The following NRXN3 variants were observed in gnomAD, a reference collection of about 807,000 sequenced individuals.
The protein encoded by NRXN3 is neurexin 3.
A neutral mutation model predicts 137.6 loss-of-function variants in NRXN3; 32 were observed. The ratio of observed to expected loss-of-function variants is 0.23; its 90% confidence interval spans 0.18 to 0.31. The LOEUF is 0.31. NRXN3 is among the 10% of genes least tolerant of loss of function. NRXN3 has a pLI of 1.00. For missense variants in NRXN3, 1,574 were observed against 2,062.5 expected (o/e 0.76, Z 4.59); for synonymous variants, 798 against 784.5 (o/e 1.02, Z -0.29).
chr14:78,990,471 AAGCGATTCTCCTGCCTCAGCCTCCTG>A (rs2099516589), intron 15 of NRXN3, among the ~76,000 whole-genome samples: 1 of 145,406 alleles, frequency 6.9e-6, no homozygotes, highest in African/African-American at 2.6e-5. Context: ...TCCCAGGTTC[AAGCGATTCTCCTGCCTCAGCCTCCTG>A]AGTAGCTGGG....
At chr14:78,886,936 C>T (rs2099145544) in intron 10 of NRXN3, among the ~76,000 whole-genome samples, 1 of 152,108 alleles carries the variant, frequency 6.6e-6, no homozygotes, top group South Asian at 2.1e-4. Flanking sequence ...TTATGGTAAA[C>T]TGGATACTGT....
At chr14:78,372,308 TTTA>T (rs1187046379) in intron 4 of NRXN3, among the ~76,000 whole-genome samples, 2 of 151,604 alleles carry the variant, frequency 1.3e-5, no homozygotes, top group African/African-American at 4.8e-5. Context: ...TTTTTTTAAT[TTTA>T]TTATTATTAT....
intron 15 of NRXN3, among the ~76,000 whole-genome samples, chr14:79,118,768 T>A (rs2054907847): frequency 1.3e-4 from 1 of 7,940 alleles, no homozygotes; most frequent in Admixed American, 3.5e-3. Context: ...TAAACCTTTT[T>A]TAGCACCCAA....
At chr14:79,690,502 T>G (rs2154024341) in intron 17 of NRXN3, among the ~76,000 whole-genome samples, 1 of 152,274 alleles carries the variant, frequency 6.6e-6, no homozygotes, top group Non-Finnish European at 1.5e-5. Context: ...TATTGCATTT[T>G]ATTTTTCAAT....
intron 16 of NRXN3, among the ~76,000 whole-genome samples, chr14:79,556,714 C>T (rs1447408051): frequency 6.6e-6 from 1 of 152,102 alleles, no homozygotes; most frequent in Admixed American, 6.6e-5. Context: ...CACCATCACA[C>T]CTGGATAAAA....
chr14:79,514,746 G>C (rs770240860), intron 16 of NRXN3, among the ~76,000 whole-genome samples: 2 of 152,160 alleles, frequency 1.3e-5, no homozygotes, highest in East Asian at 1.9e-4. Context: ...CTATAGGAGA[G>C]TCAGCACAAT....
intron 4 of NRXN3, among the ~76,000 whole-genome samples, chr14:78,424,679 A>G (rs2093591056): frequency 6.6e-6 from 1 of 152,234 alleles, no homozygotes; most frequent in Non-Finnish European, 1.5e-5. Context: ...AAGCAGGATG[A>G]GATTTCTAGA....
chr14:79,634,310 GGAGA>G lies in NRXN3; in HGVS notation c.3445-29452_3445-29449del, dbSNP rs34105116. ...TCCAGGAATCATGACAGCAAATGAG[GGAGA>G]GAGAGAGAGAGAGAGGAGACAGAGA... On this transcript the variant is annotated intron_variant, in intron 16 of 20. Coordinates refer to ENST00000335750, the MANE Select transcript of NRXN3 (RefSeq NM_001330195.2). 3.3e-5 allele frequency among the ~76,000 whole-genome samples: 5 copies of G among 150,380 alleles called. No homozygotes were observed. In the South Asian group the frequency reaches 6.4e-4, roughly 19 times the overall value.
intron 6 of NRXN3, among the ~76,000 whole-genome samples, chr14:78,659,388 G>T: frequency 6.6e-6 from 1 of 152,030 alleles, no homozygotes; most frequent in Non-Finnish European, 1.5e-5. Flanking sequence ...AAAAAAGATG[G>T]CCATTTTTGG....
At chr14:79,454,504 C>T (rs987687499) in intron 15 of NRXN3, among the ~76,000 whole-genome samples, 2 of 151,628 alleles carry the variant, frequency 1.3e-5, no homozygotes, top group African/African-American at 2.4e-5. Flanking sequence ...GCATGAGTCA[C>T]CGTGCCCAGC....
chr14:78,915,445 A>T (rs192013899), intron 10 of NRXN3, among the ~76,000 whole-genome samples: 1 of 151,362 alleles, frequency 6.6e-6, no homozygotes, highest in Admixed American at 6.6e-5. Flanking sequence ...AAGAAATAGT[A>T]TTCAATTTTC....
chr14:79,749,146 C>T (rs1210950277), intron 19 of NRXN3, among the ~76,000 whole-genome samples: 1 of 152,096 alleles, frequency 6.6e-6, no homozygotes, highest in Non-Finnish European at 1.5e-5. Context: ...CTGCCTGCTA[C>T]AAGCTGTGAG....
At position 78,651,817 on chromosome 14, in the gene NRXN3, C is replaced by A. The variant is rs534664736; in HGVS notation, c.1221+491C>A. On this transcript the variant is annotated intron_variant, in intron 6 of 20. Transcript: ENST00000335750. ...CCATGATTTAATTACCTCCCACTGGCTTCCTCCCACTGGCTCCCTCCCACG... is the reference window on the plus strand; with the variant it reads ...CCATGATTTAATTACCTCCCACTGGATTCCTCCCACTGGCTCCCTCCCACG... Among the ~76,000 whole-genome samples the A allele has an allele frequency of 2.6e-5, 4 of 151,132 alleles. No individual in the cohort carries two copies. In the South Asian group the frequency reaches 8.3e-4, roughly 31 times the overall value.
intron 19 of NRXN3, among the ~76,000 whole-genome samples, chr14:79,720,043 T>A (rs1037020353): frequency 4.6e-5 from 7 of 152,098 alleles, no homozygotes; most frequent in African/African-American, 1.7e-4. Context: ...TGTATTAGTC[T>A]GTTCTCACAC....
At chr14:78,301,088 G>A (rs963618484) in intron 4 of NRXN3, among the ~76,000 whole-genome samples, 3 of 152,096 alleles carry the variant, frequency 2.0e-5, no homozygotes, top group African/African-American at 4.8e-5. Flanking sequence ...CATTGGTGGG[G>A]GAAGGATGAT....
chr14:79,599,491 C>A (rs903583269), intron 16 of NRXN3, among the ~76,000 whole-genome samples: 5 of 151,564 alleles, frequency 3.3e-5, no homozygotes, highest in African/African-American at 1.2e-4. Context: ...ACACCCCAAC[C>A]TAAAACAAAA....
intron 8 of NRXN3, among the ~76,000 whole-genome samples, chr14:78,744,141 T>TTTTG (rs1386283163): frequency 1.3e-5 from 2 of 152,066 alleles, no homozygotes; most frequent in African/African-American, 4.8e-5. Flanking sequence ...CCTGCAGGTT[T>TTTTG]TTTGTTTGTT....
chr14:79,399,707 T>C (rs1412319200), intron 15 of NRXN3, among the ~76,000 whole-genome samples: 2 of 152,224 alleles, frequency 1.3e-5, no homozygotes, highest in East Asian at 1.9e-4. Flanking sequence ...TGTAAGTTTA[T>C]AATATGACCA....
intron 4 of NRXN3, among the ~76,000 whole-genome samples, chr14:78,412,109 C>A (rs921320470): frequency 6.6e-6 from 1 of 152,134 alleles, no homozygotes; most frequent in African/African-American, 2.4e-5. Flanking sequence ...TGTAGTAAGA[C>A]GTTAATGGTG....
Sources: allele counts gnomAD v4.1 joint callset (sites outside exome capture counted in the v4.1 genomes callset), GRCh38; gene constraint gnomAD v4.1.1; transcripts MANE v1.5; gene names NCBI Gene and HGNC (gene_info 2026-07-23, HGNC 2026-07-21).